Variants in KCNIP4 observed in about 807,000 individuals in gnomAD.
KCNIP4 encodes the protein potassium voltage-gated channel interacting protein 4, also known as Kv channel-interacting protein 4.
Under a neutral mutation model 34.0 loss-of-function variants are expected in KCNIP4, and 12 were observed. The ratio of observed to expected loss-of-function variants is 0.35; its 90% CI spans 0.23 to 0.57. The LOEUF is 0.57. Ranked by LOEUF, KCNIP4 falls within the 20% of genes least tolerant of loss-of-function variation. The probability of loss-of-function intolerance (pLI) is 0.83; values close to 1 mark genes in which losing one functional copy is unlikely to be tolerated. For missense variants in KCNIP4, 238 were observed against 311.7 expected (o/e 0.76, Z 1.78); for synonymous variants, 124 against 102.2 (o/e 1.21, Z -1.29).
At chr4:21,327,354 T>G (rs370132374) in intron 1 of KCNIP4, among the ~76,000 whole-genome samples, 10 of 152,180 alleles carry the variant, frequency 6.6e-5, no homozygotes, top group African/African-American at 2.2e-4. Flanking sequence ...TTCAGCACTT[T>G]AAACATGTCA....
At chr4:20,905,978 G>T (rs1337599119) in intron 1 of KCNIP4, among the ~76,000 whole-genome samples, 1 of 151,880 alleles carries the variant, frequency 6.6e-6, no homozygotes, top group Non-Finnish European at 1.5e-5. Context: ...AATTTTGAGG[G>T]ACACAATTCC....
chr4:21,838,771 AAAAC>A (rs1723499312), intron 1 of KCNIP4, among the ~76,000 whole-genome samples: 1 of 152,168 alleles, frequency 6.6e-6, no homozygotes, highest in African/African-American at 2.4e-5. Context: ...TCCTTAGAAA[AAAAC>A]AAACAAAAAA....
intron 1 of KCNIP4, among the ~76,000 whole-genome samples, chr4:21,177,441 C>G (rs779082532): frequency 5.9e-4 from 90 of 152,140 alleles, no homozygotes; most frequent in Non-Finnish European, 1.1e-3. Flanking sequence ...CTTCAACTCT[C>G]TACTTCACAC....
intron 1 of KCNIP4, among the ~76,000 whole-genome samples, chr4:21,170,144 T>C (rs1267393327): frequency 6.6e-6 from 1 of 152,132 alleles, no homozygotes; most frequent in East Asian, 1.9e-4. Flanking sequence ...TTGGAAATTG[T>C]TCTGATAGTC....
chr4:21,199,256 A>G (rs576203940), intron 1 of KCNIP4, among the ~76,000 whole-genome samples: 1 of 152,244 alleles, frequency 6.6e-6, no homozygotes, highest in African/African-American at 2.4e-5. Flanking sequence ...CTTTTTAATG[A>G]TCGCCATTCT....
chr4:21,199,948 A>G (rs1346471270), intron 1 of KCNIP4, among the ~76,000 whole-genome samples: 2 of 152,036 alleles, frequency 1.3e-5, no homozygotes, highest in African/African-American at 2.4e-5. Flanking sequence ...AGAACAAAAA[A>G]CCAAACACTG....
At chr4:21,008,190 T>A (rs1189634480) in intron 1 of KCNIP4, among the ~76,000 whole-genome samples, 1 of 152,216 alleles carries the variant, frequency 6.6e-6, no homozygotes, top group Non-Finnish European at 1.5e-5. Context: ...CATCCAATTA[T>A]CTGAGTTATA....
intron 1 of KCNIP4, among the ~76,000 whole-genome samples, chr4:21,589,327 C>CATGTATATATACAT (rs1410227798): frequency 2.2e-5 from 3 of 139,300 alleles, no homozygotes; most frequent in African/African-American, 8.0e-5. Context: ...TACATATACA[C>CATGTATATATACAT]GTGTATATAT....
At chr4:21,447,181 A>G (rs1472991151) in intron 1 of KCNIP4, among the ~76,000 whole-genome samples, 6 of 152,132 alleles carry the variant, frequency 3.9e-5, no homozygotes, top group Admixed American at 3.9e-4. Flanking sequence ...TTTAACAGAA[A>G]GGTAGAAGGA....
chr4:21,173,001 G>A (rs78620241), intron 1 of KCNIP4, among the ~76,000 whole-genome samples: 3,463 of 152,224 alleles, frequency 0.023, 150 homozygotes, highest in African/African-American at 0.079. Context: ...TATGGCTAAC[G>A]CTGAACATTG....
chr4:21,183,798 A>G (rs529293959), intron 1 of KCNIP4, among the ~76,000 whole-genome samples: 1 of 151,876 alleles, frequency 6.6e-6, no homozygotes, highest in South Asian at 2.1e-4. Flanking sequence ...TGTTCCTTCT[A>G]CCTGGGAGTC....
At chr4:21,427,950 A>G (rs1009797768) in intron 1 of KCNIP4, among the ~76,000 whole-genome samples, 1 of 152,222 alleles carries the variant, frequency 6.6e-6, no homozygotes, top group African/African-American at 2.4e-5. Flanking sequence ...CAAAGTAAGC[A>G]TAAGTCATAT....
intron 1 of KCNIP4, among the ~76,000 whole-genome samples, chr4:21,800,456 T>A (rs1720917579): frequency 6.6e-6 from 1 of 152,146 alleles, no homozygotes; most frequent in Admixed American, 6.6e-5. Context: ...ATCAGATCAA[T>A]TCATATAGTA....
chr4:21,566,967 A>G (rs1281394470), intron 1 of KCNIP4, among the ~76,000 whole-genome samples: 1 of 152,166 alleles, frequency 6.6e-6, no homozygotes, highest in African/African-American at 2.4e-5. Context: ...GTAAATCAGA[A>G]AAGAACTGCC....
intron 1 of KCNIP4, among the ~76,000 whole-genome samples, chr4:21,666,649 A>G (rs1748982897): frequency 6.6e-6 from 1 of 152,248 alleles, no homozygotes; most frequent in East Asian, 1.9e-4. Context: ...AGCTTACTGC[A>G]TTAAATTAAC....
intron 1 of KCNIP4, among the ~76,000 whole-genome samples, chr4:21,139,908 G>A (rs572277861): frequency 2.0e-5 from 3 of 152,046 alleles, no homozygotes; most frequent in Non-Finnish European, 2.9e-5. Context: ...CCTCAGCCAC[G>A]TTTAATGATC....
intron 1 of KCNIP4, among the ~76,000 whole-genome samples, chr4:21,560,171 C>A (rs534659959): frequency 6.6e-6 from 1 of 151,960 alleles, no homozygotes; most frequent in Non-Finnish European, 1.5e-5. Flanking sequence ...ACTTTACAAG[C>A]GCCTAAATTG....
At chr4:21,191,553 G>A (rs1169691783) in intron 1 of KCNIP4, among the ~76,000 whole-genome samples, 2 of 152,122 alleles carry the variant, frequency 1.3e-5, no homozygotes, top group Non-Finnish European at 2.9e-5. Context: ...GTGGTTACAT[G>A]AGCAACAGAA....
chr4:21,869,795 C>G (rs560330568), intron 1 of KCNIP4, among the ~76,000 whole-genome samples: 2 of 151,220 alleles, frequency 1.3e-5, no homozygotes, highest in Non-Finnish European at 2.9e-5. Context: ...GACAGACAGA[C>G]AGATAGATAG....
Sources: allele counts gnomAD v4.1 joint callset (sites outside exome capture counted in the v4.1 genomes callset), GRCh38; gene constraint gnomAD v4.1.1; transcripts MANE v1.5; gene names NCBI Gene and HGNC (gene_info 2026-07-23, HGNC 2026-07-21).